PDE3B: variants seen among roughly 807,000 people sequenced by gnomAD.
PDE3B encodes phosphodiesterase 3B.
Under a neutral mutation model 116.8 loss-of-function variants are expected in PDE3B, and 66 were observed. The observed-to-expected ratio is 0.56, with a 90% confidence interval of 0.46 to 0.69. The LOEUF is 0.69. PDE3B is among the 30% of genes least tolerant of loss of function. The pLI is 0.00. For missense variants in PDE3B, 1,384 were observed against 1,368.1 expected (o/e 1.01, Z -0.18); for synonymous variants, 595 against 533.6 (o/e 1.12, Z -1.59).
In PDE3B at chr11:14,660,570, C is replaced by G. The variant is rs552801827; in HGVS notation, c.978+15517C>G. 2.0e-5 allele frequency among the ~76,000 whole-genome samples: 3 copies of G among 152,160 alleles called. No individual in the cohort carries two copies. In the East Asian group the frequency reaches 5.8e-4, roughly 29 times the overall value. ...CTGCCCACCTTGGCCTCCCAGAGTG[C>G]TGGGATTGCAGGCATGAGCCACTAT... On this transcript the variant is annotated intron_variant, in intron 1 of 15. Coordinates refer to ENST00000282096, the MANE Select transcript of PDE3B (RefSeq NM_000922.4).
At chr11:14,665,508 C>T (rs1214011264) in intron 1 of PDE3B, among the ~76,000 whole-genome samples, 10 of 151,942 alleles carry the variant, frequency 6.6e-5, no homozygotes, top group South Asian at 4.1e-4. Context: ...TGATTGTATA[C>T]CTAGAAAACC....
intron 1 of PDE3B, among the ~76,000 whole-genome samples, chr11:14,672,637 C>T (rs1409675757): frequency 4.6e-5 from 7 of 152,136 alleles, no homozygotes; most frequent in East Asian, 1.9e-4. Context: ...GGGTCTTTCA[C>T]GGGCTCCTTC....
intron 1 of PDE3B, among the ~76,000 whole-genome samples, chr11:14,664,579 G>A (rs1854062437): frequency 6.6e-6 from 1 of 152,112 alleles, no homozygotes; most frequent in African/African-American, 2.4e-5. Flanking sequence ...AAATGATAAA[G>A]GGGATATCAC....
At chr11:14,655,808 T>A (rs1204103044) in intron 1 of PDE3B, among the ~76,000 whole-genome samples, 3 of 152,290 alleles carry the variant, frequency 2.0e-5, no homozygotes, top group Admixed American at 2.0e-4. Context: ...GACATTGTTG[T>A]GGAAATCAGA....
At chr11:14,796,542 CTT>C (rs1858560124) in intron 4 of PDE3B, among the ~76,000 whole-genome samples, 1 of 152,272 alleles carries the variant, frequency 6.6e-6, no homozygotes, top group Non-Finnish European at 1.5e-5. Context: ...TGTTTCCCGA[CTT>C]TTTAATGATC....
Position 14,871,880 on chromosome 11 carries a change from A to C in PDE3B, c.*2220A>C, listed in dbSNP as rs1848146545. 6.7e-6 allele frequency: 1 copy of C among 148,262 alleles called. No individual in the cohort carries two copies. Among genetic ancestry groups the C allele is most frequent in the Non-Finnish European group, 1.5e-5 (1 of 67,502 alleles). 9.2% of individuals were successfully genotyped at this position (148,262 alleles called of 1,614,324 possible). On this transcript the variant is annotated 3_prime_UTR_variant, in exon 16 of 16. Transcript: ENST00000282096. ...TACTTGAGAAATTGCCATAAGCCATATTACAGATCTTACTTTGTTACTGAA... is the reference window on the plus strand; with the variant it reads ...TACTTGAGAAATTGCCATAAGCCATCTTACAGATCTTACTTTGTTACTGAA...
At chr11:14,758,451 C>T (rs1857259238) in intron 1 of PDE3B, among the ~76,000 whole-genome samples, 2 of 143,200 alleles carry the variant, frequency 1.4e-5, no homozygotes, top group Admixed American at 7.1e-5. Context: ...GAATGTTCTT[C>T]CATTTGTTTG....
chr11:14,713,836 G>A (rs907316422), intron 1 of PDE3B, among the ~76,000 whole-genome samples: 1 of 152,126 alleles, frequency 6.6e-6, no homozygotes, highest in African/African-American at 2.4e-5. Flanking sequence ...CTAAACTATC[G>A]TATAAGCAGG....
At chr11:14,726,373 G>T (rs1466026708) in intron 1 of PDE3B, among the ~76,000 whole-genome samples, 2 of 152,044 alleles carry the variant, frequency 1.3e-5, no homozygotes, top group South Asian at 4.1e-4. Flanking sequence ...ATAATGCCTG[G>T]TATATAATAT....
intron 12 of PDE3B, among the ~76,000 whole-genome samples, chr11:14,848,690 C>A (rs1462846186): frequency 6.6e-6 from 1 of 152,098 alleles, no homozygotes; most frequent in Non-Finnish European, 1.5e-5. Flanking sequence ...TCTTATACAC[C>A]AATAACAGAC....
chr11:14,676,151 T>C (rs976382753), intron 1 of PDE3B, among the ~76,000 whole-genome samples: 1 of 152,168 alleles, frequency 6.6e-6, no homozygotes, highest in Non-Finnish European at 1.5e-5. Context: ...TGTTCAAGTC[T>C]TTTGCTAATT....
At chr11:14,721,860 G>A (rs1409281413) in intron 1 of PDE3B, among the ~76,000 whole-genome samples, 1 of 136,450 alleles carries the variant, frequency 7.3e-6, no homozygotes. Context: ...CACCAGCATG[G>A]CACATGTATA....
chr11:14,722,294 A>G (rs1321087117), intron 1 of PDE3B, among the ~76,000 whole-genome samples: 2 of 152,168 alleles, frequency 1.3e-5, no homozygotes, highest in Non-Finnish European at 2.9e-5. Context: ...CATGTACCTT[A>G]AAACTTAAAG....
intron 1 of PDE3B, among the ~76,000 whole-genome samples, chr11:14,648,836 T>G (rs566584160): frequency 1.3e-5 from 2 of 150,538 alleles, no homozygotes; most frequent in East Asian, 3.9e-4. Flanking sequence ...GAGGGCTGCT[T>G]CTTGTTATTG....
chr11:14,682,967 G>A (rs1306111734), intron 1 of PDE3B, among the ~76,000 whole-genome samples: 1 of 143,856 alleles, frequency 7.0e-6, no homozygotes, highest in African/African-American at 2.6e-5. Context: ...GACGGAGTTT[G>A]GCTCTTGTTG....
rs921491886 is a variant in PDE3B at position 14,778,493 on chromosome 11, C to T, written c.1029+6506C>T. On this transcript the variant is annotated intron_variant, in intron 2 of 15. Coordinates refer to ENST00000282096, the MANE Select transcript of PDE3B (RefSeq NM_000922.4). ...TTCCAGAGGAACGATCAGGCAGCAACATTTGCCTTTCTGCAATATTTGCAG... is the reference window on the plus strand; with the variant it reads ...TTCCAGAGGAACGATCAGGCAGCAATATTTGCCTTTCTGCAATATTTGCAG... 2.0e-5 allele frequency among the ~76,000 whole-genome samples: 3 copies of T among 152,180 alleles called. No individual in the cohort carries two copies. In the South Asian group the frequency reaches 6.2e-4, roughly 31 times the overall value.
In PDE3B at chr11:14,771,119, A is replaced by G. The variant is rs145007240; in HGVS notation, c.979-818A>G. Among the ~76,000 whole-genome samples the G allele has an allele frequency of 7.3e-3, 1,113 of 151,852 alleles. 9 individuals carry two copies. The highest frequency in any genetic ancestry group is 7.5e-3 in the Non-Finnish European group (510 of 67,688). On this transcript the variant is annotated intron_variant, in intron 1 of 15. Coordinates refer to ENST00000282096, the MANE Select transcript of PDE3B (RefSeq NM_000922.4). ...TATAGAAATTATGAGATTATATTAC[A>G]GATTAACTGGGCTCATATTCAATAC...
In PDE3B at chr11:14,770,135, T is replaced by C. The variant is rs1857596888; in HGVS notation, c.979-1802T>C. On this transcript the variant is annotated intron_variant, in intron 1 of 15. Coordinates refer to ENST00000282096, the MANE Select transcript of PDE3B (RefSeq NM_000922.4). ...AAATGTGGATCAGATGATAGTACAGTTAAAAAAGTTAGCAGACCAAGAATG... is the reference window on the plus strand; with the variant it reads ...AAATGTGGATCAGATGATAGTACAGCTAAAAAAGTTAGCAGACCAAGAATG... Among the ~76,000 whole-genome samples the C allele has an allele frequency of 1.3e-5, 2 of 151,340 alleles. 1 individual carries two copies. Among genetic ancestry groups the C allele is most frequent in the South Asian group, 4.1e-4 (2 of 4,832 alleles).
intron 1 of PDE3B, among the ~76,000 whole-genome samples, chr11:14,761,984 T>C (rs1276508918): frequency 6.6e-6 from 1 of 152,078 alleles, no homozygotes; most frequent in Non-Finnish European, 1.5e-5. Flanking sequence ...AATATCCATA[T>C]CTCCTAAATT....
Sources: gnomAD v4.1 joint callset for allele counts (sites outside exome capture counted in the v4.1 genomes callset) on GRCh38, gnomAD v4.1.1 for gene constraint, MANE v1.5 for transcripts, NCBI Gene and HGNC (gene_info 2026-07-23, HGNC 2026-07-21) for gene names.